GABRA2: variants seen among roughly 807,000 people sequenced by gnomAD.
The protein encoded by GABRA2 is gamma-aminobutyric acid receptor subunit alpha-2.
GABRA2 carries 16 observed loss-of-function variants against 48.7 expected under a neutral mutation model. The observed-to-expected ratio is 0.33, with a 90% confidence interval of 0.22 to 0.50. The LOEUF is 0.50. Ranked by LOEUF, GABRA2 falls within the 20% of genes least tolerant of loss-of-function variation. GABRA2 has a pLI of 0.98. For synonymous variants in GABRA2, 185 were observed against 184.5 expected, an observed-to-expected ratio of 1.00 and a Z score of -0.02; for missense variants, 275 against 535.6, an observed-to-expected ratio of 0.51 and a Z score of 4.80.
At position 46,250,320 on chromosome 4, in the gene GABRA2, C is replaced by T. The variant is rs774035855; in HGVS notation, c.1344G>A (p.Gly448=). ...CATGGGTCTCAATTCAAGGACTGAC[C>T]CCTAATACAGGTTCTCTGTTTAAAT... ...ATYLNREPVL[G]VSP is the part of the protein sequence containing the mutation. Residue 448 remains glycine (G), a synonymous_variant, in exon 10 of 10, where the codon GGG becomes GGA. Transcript: ENST00000381620. The T allele has an allele frequency of 1.9e-6, 3 of 1,609,886 alleles. No individual in the cohort carries two copies. The African/African-American group carries it at 4.0e-5, about 22-fold the overall frequency.
chr4:46,262,959 AG>A (rs1242039098), intron 8 of GABRA2, among the ~76,000 whole-genome samples: 1 of 28,222 alleles, frequency 3.5e-5, no homozygotes, highest in Non-Finnish European at 7.1e-5. Context: ...AGAAAGAAAG[AG>A]AGAGAGAGAG....
chr4:46,301,656 C>G (rs1326696066), intron 8 of GABRA2, among the ~76,000 whole-genome samples: 1 of 152,196 alleles, frequency 6.6e-6, no homozygotes, highest in Non-Finnish European at 1.5e-5. Flanking sequence ...CAAGTCTCAG[C>G]TCAAATGGTA....
At chr4:46,354,978 T>G (rs1159737030) in intron 3 of GABRA2, among the ~76,000 whole-genome samples, 3 of 152,108 alleles carry the variant, frequency 2.0e-5, no homozygotes, top group Non-Finnish European at 4.4e-5. Context: ...CTGGATATAA[T>G]TATACATACT....
At chr4:46,314,113 C>T (rs539157804) in intron 4 of GABRA2, among the ~76,000 whole-genome samples, 289 of 151,996 alleles carry the variant, frequency 1.9e-3, no homozygotes, top group African/African-American at 6.5e-3. Flanking sequence ...TTTTTTAATG[C>T]TTAACTCTAA....
At chr4:46,263,365 C>A (rs2109357919) in intron 8 of GABRA2, among the ~76,000 whole-genome samples, 1 of 152,106 alleles carries the variant, frequency 6.6e-6, no homozygotes, top group Admixed American at 6.6e-5. Context: ...AGTTTTATGT[C>A]TTACCAGTGA....
At chr4:46,273,595 A>G (rs1212279315) in intron 8 of GABRA2, among the ~76,000 whole-genome samples, 1 of 150,782 alleles carries the variant, frequency 6.6e-6, no homozygotes, top group African/African-American at 2.4e-5. Flanking sequence ...GTATTAAGCC[A>G]AGCACCAACT....
intron 8 of GABRA2, among the ~76,000 whole-genome samples, chr4:46,288,263 T>C (rs548262210): frequency 1.3e-5 from 2 of 152,326 alleles, no homozygotes; most frequent in South Asian, 4.1e-4. Context: ...TCGGCTTGAC[T>C]GTTGTTGGGG....
chr4:46,298,246 CTG>C (rs1192514288), intron 8 of GABRA2, among the ~76,000 whole-genome samples: 4 of 151,972 alleles, frequency 2.6e-5, no homozygotes, highest in East Asian at 1.9e-4. Context: ...ACTGTCTATT[CTG>C]TGTTTTCTTG....
intron 8 of GABRA2, among the ~76,000 whole-genome samples, chr4:46,291,423 G>T (rs1255424637): frequency 6.6e-6 from 1 of 152,128 alleles, no homozygotes; most frequent in East Asian, 1.9e-4. Flanking sequence ...ATTGAAGGAT[G>T]CAAAGTATTG....
chr4:46,315,387 T>C (rs1027290375), intron 4 of GABRA2, among the ~76,000 whole-genome samples: 2 of 152,108 alleles, frequency 1.3e-5, no homozygotes, highest in Admixed American at 1.3e-4. Context: ...TCCAGAATTA[T>C]TATTTATCTT....
At chr4:46,281,727 G>A (rs1011094968) in intron 8 of GABRA2, among the ~76,000 whole-genome samples, 1 of 152,160 alleles carries the variant, frequency 6.6e-6, no homozygotes, top group Admixed American at 6.5e-5. Context: ...TTTGAGGACA[G>A]TAAAAACAGC....
intron 3 of GABRA2, among the ~76,000 whole-genome samples, chr4:46,375,980 A>T (rs577243174): frequency 1.3e-5 from 2 of 152,330 alleles, no homozygotes; most frequent in African/African-American, 4.8e-5. Context: ...CTAAACTTCA[A>T]TAGAATGTTC....
At chr4:46,276,755 T>C (rs945101092) in intron 8 of GABRA2, among the ~76,000 whole-genome samples, 1 of 152,144 alleles carries the variant, frequency 6.6e-6, no homozygotes, top group Non-Finnish European at 1.5e-5. Flanking sequence ...TGTGTCTCAA[T>C]GTTTTTGTCT....
intron 3 of GABRA2, among the ~76,000 whole-genome samples, chr4:46,334,592 A>G (rs1471106055): frequency 6.6e-6 from 1 of 152,170 alleles, no homozygotes; most frequent in East Asian, 1.9e-4. Context: ...TATTGATGCT[A>G]AGGATATGAA....
intron 8 of GABRA2, among the ~76,000 whole-genome samples, chr4:46,294,689 A>G (rs555629666): frequency 3.3e-4 from 50 of 152,150 alleles, no homozygotes; most frequent in Middle Eastern, 6.3e-3. Flanking sequence ...GTGAACCCCA[A>G]TGGACATCTC....
At chr4:46,276,677 A>G (rs569087870) in intron 8 of GABRA2, among the ~76,000 whole-genome samples, 1 of 151,534 alleles carries the variant, frequency 6.6e-6, no homozygotes, top group Admixed American at 6.6e-5. Context: ...AGTCAGGGAG[A>G]TCTAATGTCA....
chr4:46,251,168 C>T (rs1197344922), intron 9 of GABRA2, among the ~76,000 whole-genome samples: 2 of 151,390 alleles, frequency 1.3e-5, no homozygotes, highest in African/African-American at 4.8e-5. Flanking sequence ...TTTTGCTTAG[C>T]TCATCCCGTT....
At chr4:46,338,950 ATTTCT>A (rs1447349311) in intron 3 of GABRA2, among the ~76,000 whole-genome samples, 2 of 151,878 alleles carry the variant, frequency 1.3e-5, no homozygotes, top group Non-Finnish European at 2.9e-5. Flanking sequence ...GAGATGAAAG[ATTTCT>A]TTTCACCATC....
At chr4:46,378,850 T>C (rs1266570505) in intron 3 of GABRA2, among the ~76,000 whole-genome samples, 2 of 151,080 alleles carry the variant, frequency 1.3e-5, no homozygotes, top group Non-Finnish European at 2.9e-5. Flanking sequence ...AAGTAGGCAA[T>C]ATTTTCTGGG....
Sources: gnomAD v4.1 joint callset for allele counts (sites outside exome capture counted in the v4.1 genomes callset) on GRCh38, gnomAD v4.1.1 for gene constraint, MANE v1.5 for transcripts, NCBI Gene and HGNC (gene_info 2026-07-23, HGNC 2026-07-21) for gene names.